The following MTOR variants were observed in gnomAD, a reference collection of about 807,000 sequenced individuals.
MTOR encodes the protein mechanistic target of rapamycin kinase.
Under a neutral mutation model 319.8 loss-of-function variants are expected in MTOR, and 70 were observed. The observed-to-expected ratio is 0.22, with a 90% CI of 0.18 to 0.27. MTOR has a LOEUF of 0.27. MTOR is among the 10% of genes least tolerant of loss of function. The pLI, the probability that MTOR is intolerant of heterozygous loss-of-function variation, is 1.00. For synonymous variants in MTOR, 1,183 were observed against 1,211.4 expected (o/e 0.98, Z 0.49); for missense variants, 1,890 against 3,274.4 (o/e 0.58, Z 10.32).
chr1:11,241,091 G>T (rs1427777903), intron 10 of MTOR, among the ~76,000 whole-genome samples: 1 of 151,768 alleles, frequency 6.6e-6, no homozygotes, highest in Non-Finnish European at 1.5e-5. Flanking sequence ...GGGAGCCGAG[G>T]TGGGCGGATC....
intron 28 of MTOR, among the ~76,000 whole-genome samples, chr1:11,185,625 AACAGGACTCTAAGAG>A (rs1645294952): frequency 6.6e-6 from 1 of 151,988 alleles, no homozygotes; most frequent in Admixed American, 6.6e-5. Context: ...AACAAAACAA[AACAGGACTCTAAGAG>A]AAGGCCTGAG....
chr1:11,236,680 T>A (rs920525739), intron 13 of MTOR, among the ~76,000 whole-genome samples: 1 of 151,974 alleles, frequency 6.6e-6, no homozygotes, highest in Non-Finnish European at 1.5e-5. Context: ...GGCTATTTTT[T>A]TTTTATTTTT....
At chr1:11,138,797 G>A (rs1221981080) in intron 36 of MTOR, among the ~76,000 whole-genome samples, 1 of 152,304 alleles carries the variant, frequency 6.6e-6, no homozygotes, top group East Asian at 1.9e-4. Flanking sequence ...TATTTCCCAA[G>A]GGCTTGTCTG....
At position 11,139,659 on chromosome 1, in the gene MTOR, C is replaced by T; in HGVS notation, c.4873-1G>A. 6.2e-7 allele frequency: 1 copy of T among 1,614,164 alleles called. No homozygotes were observed. On this transcript the variant is annotated splice_acceptor_variant, in intron 34 of 57. Transcript: ENST00000361445. LOFTEE classifies it high-confidence loss of function. ...AGTCCTCTACGATACGCTGGCAGCCCTGGAACATTCAGAAGTGAAGATTAG... is the reference window on the plus strand; with the variant it reads ...AGTCCTCTACGATACGCTGGCAGCCTTGGAACATTCAGAAGTGAAGATTAG...
At position 11,126,698 on chromosome 1, in the gene MTOR, G is replaced by A. The variant is rs1052395251; in HGVS notation, c.6450C>T (p.Ile2150=). 1.2e-6 allele frequency: 2 copies of A among 1,614,044 alleles called. No homozygotes were observed. The highest frequency in any genetic ancestry group is 1.7e-6 in the Non-Finnish European group (2 of 1,180,018). Residue 2150 remains isoleucine, a synonymous_variant, in exon 46 of 58, where the codon ATC becomes ATT. Coordinates refer to ENST00000361445, the MANE Select transcript of MTOR (RefSeq NM_004958.4). ...VPGTYDPNQP[I]IRIQSIAPSL... ...ACGGTGCTATGGACTGAATGCGAAT[G>A]ATTGGCTGGTTGGGGTCATATGTTC...
At chr1:11,215,582 A>G (rs1646441729) in intron 20 of MTOR, among the ~76,000 whole-genome samples, 1 of 152,168 alleles carries the variant, frequency 6.6e-6, no homozygotes, top group Admixed American at 6.5e-5. Flanking sequence ...TATAGAACAC[A>G]AGGAAAAATG....
chr1:11,153,483 G>C (rs548983744), intron 30 of MTOR, among the ~76,000 whole-genome samples: 9 of 152,352 alleles, frequency 5.9e-5, no homozygotes, highest in Admixed American at 2.6e-4. Flanking sequence ...GAATTGATTA[G>C]AGTTGAATTT....
chr1:11,237,949 T>C lies in MTOR; in HGVS notation c.2102A>G (p.Asn701Ser). Residue 701 changes from asparagine (N) to serine (S), a missense_variant, in exon 13 of 58, where the codon AAT becomes AGT. Coordinates refer to ENST00000361445, the MANE Select transcript of MTOR (RefSeq NM_004958.4). ...ENLQALFVALNDQVFEIRELA... is the reference protein window; with the variant it reads ...ENLQALFVALSDQVFEIRELA... Reference sequence around the variant, plus strand: ...CTCCCGGATCTCAAACACCTGGTCATTCAGAGCCACAAACAAGGCCTGCAA... The same window carrying C: ...CTCCCGGATCTCAAACACCTGGTCACTCAGAGCCACAAACAAGGCCTGCAA... The C allele has an allele frequency of 6.2e-7, 1 of 1,614,196 alleles. No individual in the cohort carries two copies. The highest frequency in any genetic ancestry group is 1.1e-5 in the South Asian group (1 of 91,078).
intron 47 of MTOR, among the ~76,000 whole-genome samples, chr1:11,122,393 G>A (rs901476089): frequency 2.6e-5 from 4 of 151,264 alleles, no homozygotes; most frequent in Admixed American, 6.6e-5. Flanking sequence ...TGGTAGAGAC[G>A]GATTTCACCA....
chr1:11,159,418 G>A lies in MTOR; in HGVS notation c.4330-2127C>T, dbSNP rs947378954. On this transcript the variant is annotated intron_variant, in intron 29 of 57. Transcript: ENST00000361445. ...GCACTTTGGGAGGCCGAGGTGGGAG[G>A]ATCACCTGAAGTTGGGAGTTTGAGA... Among the ~76,000 whole-genome samples the A allele has an allele frequency of 3.3e-5, 5 of 152,126 alleles. No homozygotes were observed. The East Asian group carries it at 9.6e-4, about 29-fold the overall frequency.
Position 11,109,530 on chromosome 1 carries a change from C to A in MTOR, c.7447+119G>T, listed in dbSNP as rs1035377217. 3 of 1,240,904 alleles carry A rather than the reference C, an allele frequency of 2.4e-6. No individual in the cohort carries two copies. The highest frequency in any genetic ancestry group is 2.3e-5 in the East Asian group (1 of 42,906). 76.9% of individuals were successfully genotyped at this position (1,240,904 alleles called of 1,614,324 possible). A position where few individuals can be genotyped will look rare whatever the true frequency, so the allele number is the denominator to read the frequency against. On this transcript the variant is annotated intron_variant, in intron 55 of 57. Transcript: ENST00000361445. The surrounding 1 kb of genome is among the most constrained non-coding windows in gnomAD (Gnocchi z 4.0). ...GAATATAATGAGAAATTCATGGAAC[C>A]TTTTCTGCTCAAAGGCAGTTTTGTT... is the stretch of plus-strand genomic sequence containing the variant.
chr1:11,182,524 A>T (rs1571091173), intron 28 of MTOR, among the ~76,000 whole-genome samples: 1 of 152,224 alleles, frequency 6.6e-6, no homozygotes, highest in East Asian at 1.9e-4. Context: ...ATATAGGAGA[A>T]TATAACACCT....
At chr1:11,197,985 G>C (rs1460097665) in intron 28 of MTOR, among the ~76,000 whole-genome samples, 1 of 152,146 alleles carries the variant, frequency 6.6e-6, no homozygotes, top group Non-Finnish European at 1.5e-5. Flanking sequence ...CTACAAATCT[G>C]CATAACTTTA....
At chr1:11,189,277 T>G in intron 28 of MTOR, 1 of 280,040 alleles carries the variant, frequency 3.6e-6, no homozygotes, top group Non-Finnish European at 6.8e-6. Context: ...TGGGAGGGGC[T>G]AAAGCCTGGT....
intron 34 of MTOR, among the ~76,000 whole-genome samples, chr1:11,142,765 C>T (rs1643775939): frequency 6.6e-6 from 1 of 152,152 alleles, no homozygotes; most frequent in Non-Finnish European, 1.5e-5. Context: ...TGATAAGATG[C>T]AGTCTGAGCC....
intron 20 of MTOR, among the ~76,000 whole-genome samples, chr1:11,214,274 C>G (rs190662524): frequency 2.1e-4 from 32 of 152,342 alleles, no homozygotes; most frequent in Admixed American, 2.0e-3. Context: ...ATCCATCAGG[C>G]CTGAACAGTG....
intron 34 of MTOR, among the ~76,000 whole-genome samples, chr1:11,141,311 C>T (rs1267285471): frequency 6.6e-6 from 1 of 151,858 alleles, no homozygotes; most frequent in African/African-American, 2.4e-5. Flanking sequence ...TGGGGTTTTG[C>T]CACATTGCCA....
chr1:11,192,258 G>T, intron 28 of MTOR: 3 of 1,600,620 alleles, frequency 1.9e-6, no homozygotes, highest in South Asian at 2.2e-5. Flanking sequence ...CCTGTGGTTT[G>T]TTCTCTTGTA....
intron 28 of MTOR, among the ~76,000 whole-genome samples, chr1:11,178,104 A>C (rs1209895776): frequency 6.6e-6 from 1 of 152,182 alleles, no homozygotes; most frequent in African/African-American, 2.4e-5. Flanking sequence ...CACTTGTTAG[A>C]TACCAGGCCA....
Sources: allele counts gnomAD v4.1 joint callset (sites outside exome capture counted in the v4.1 genomes callset), GRCh38; gene constraint gnomAD v4.1.1; non-coding constraint Gnocchi (gnomAD v3.1); transcripts MANE v1.5; gene names NCBI Gene and HGNC (gene_info 2026-07-23, HGNC 2026-07-21).